Variants in ZNF423 observed in about 807,000 individuals in gnomAD.
The protein encoded by ZNF423 is zinc finger protein 423, also known as Ebf-associated zinc finger protein.
ZNF423 carries 12 observed loss-of-function variants against 95.8 expected under a neutral mutation model. That is an observed-to-expected ratio of 0.13 (90% confidence interval 0.08 to 0.20). ZNF423 has a LOEUF of 0.20. Among genes scored for constraint, ZNF423 ranks in the 10% least tolerant of loss-of-function variants. The probability of loss-of-function intolerance (pLI) is 1.00; values close to 1 mark genes in which losing one functional copy is unlikely to be tolerated. For missense variants in ZNF423, 1,316 were observed against 1,737.1 expected, an observed-to-expected ratio of 0.76 and a Z score of 4.31; for synonymous variants, 749 against 711.9, an observed-to-expected ratio of 1.05 and a Z score of -0.83.
intron 3 of ZNF423, among the ~76,000 whole-genome samples, chr16:49,727,729 C>T (rs772004404): frequency 6.6e-6 from 1 of 152,168 alleles, no homozygotes; most frequent in Non-Finnish European, 1.5e-5. Context: ...CCCCAGGTCA[C>T]GATTCCTGAG....
chr16:49,808,063 T>TC (rs2034693235), intron 1 of ZNF423, among the ~76,000 whole-genome samples: 1 of 152,040 alleles, frequency 6.6e-6, no homozygotes. Context: ...TTTCTTTCTT[T>TC]TTTTTTTTCT....
chr16:49,752,714 C>G (rs1185688626), intron 2 of ZNF423, among the ~76,000 whole-genome samples: 1 of 152,176 alleles, frequency 6.6e-6, no homozygotes, highest in Admixed American at 6.5e-5. Flanking sequence ...GATGCATCCC[C>G]GTGTGACCCT....
intron 3 of ZNF423, among the ~76,000 whole-genome samples, chr16:49,660,986 C>G (rs1324249647): frequency 6.6e-6 from 1 of 152,038 alleles, no homozygotes; most frequent in East Asian, 1.9e-4. Context: ...TTTGGGAGGC[C>G]AAGGAGGGTG....
intron 5 of ZNF423, among the ~76,000 whole-genome samples, chr16:49,611,302 G>T (rs938895025): frequency 1.2e-4 from 18 of 151,974 alleles, no homozygotes; most frequent in African/African-American, 4.3e-4. Context: ...CATACATAGT[G>T]TTTTTTCCTA....
At chr16:49,772,965 C>T (rs904390146) in intron 2 of ZNF423, among the ~76,000 whole-genome samples, 3 of 152,220 alleles carry the variant, frequency 2.0e-5, no homozygotes, top group African/African-American at 7.2e-5. Flanking sequence ...GAAGCAGGCA[C>T]CTTCTTCACA....
At chr16:49,524,226 T>C (rs977354592) in intron 6 of ZNF423, among the ~76,000 whole-genome samples, 3 of 152,200 alleles carry the variant, frequency 2.0e-5, no homozygotes, top group Non-Finnish European at 4.4e-5. Flanking sequence ...GAATGTTAAA[T>C]GGCTTGTCCA....
intron 5 of ZNF423, among the ~76,000 whole-genome samples, chr16:49,588,374 G>T (rs76168968): frequency 6.6e-6 from 1 of 152,176 alleles, no homozygotes; most frequent in African/African-American, 2.4e-5. Context: ...CCTTACATAC[G>T]CTGAGGCTAA....
chr16:49,680,373 A>G lies in ZNF423; in HGVS notation c.302-41499T>C, dbSNP rs147790435. The stretch of plus-strand genomic sequence containing the variant: ...TGTCTGCATACCTCATTCTTCCTGG[A>G]CATGGGACAAGAACTTGGTACGTGC... On this transcript the variant is annotated intron_variant, in intron 3 of 7. Transcript: ENST00000563137. Among the ~76,000 whole-genome samples, 907 of 152,344 alleles carry G rather than the reference A, an allele frequency of 6.0e-3. 11 individuals carry two copies. Among genetic ancestry groups the G allele is most frequent in the African/African-American group, 0.02 (836 of 41,580 alleles).
intron 2 of ZNF423, among the ~76,000 whole-genome samples, chr16:49,773,707 C>T (rs1157890765): frequency 6.6e-6 from 1 of 152,222 alleles, no homozygotes; most frequent in East Asian, 1.9e-4. Context: ...AGCTCTGCCA[C>T]AAACTTGCTG....
At chr16:49,792,002 CAAA>C (rs1227429391) in intron 1 of ZNF423, among the ~76,000 whole-genome samples, 3 of 71,262 alleles carry the variant, frequency 4.2e-5, no homozygotes, top group African/African-American at 9.6e-5. Flanking sequence ...GACTCCATCT[CAAA>C]AAAAAAAAAA....
chr16:49,523,858 CAG>C, intron 6 of ZNF423, 119 bp from the exon 7 acceptor site: 1 of 751,538 alleles, frequency 1.3e-6, no homozygotes, highest in Non-Finnish European at 2.3e-6. Flanking sequence ...GTCAGCCAAA[CAG>C]TGGGCTACTG....
At chr16:49,729,792 C>T (rs1305662528) in intron 3 of ZNF423, among the ~76,000 whole-genome samples, 5 of 152,078 alleles carry the variant, frequency 3.3e-5, no homozygotes, top group African/African-American at 1.2e-4. Flanking sequence ...TCCCCAAACA[C>T]TTAATTTCAA....
intron 5 of ZNF423, among the ~76,000 whole-genome samples, chr16:49,625,362 A>G (rs76181930): frequency 6.6e-6 from 1 of 152,220 alleles, no homozygotes; most frequent in African/African-American, 2.4e-5. Context: ...AAAATAAAAA[A>G]TTAACAAAAA....
intron 1 of ZNF423, among the ~76,000 whole-genome samples, chr16:49,814,825 G>A (rs1247708666): frequency 6.6e-6 from 1 of 150,926 alleles, no homozygotes; most frequent in Admixed American, 6.7e-5. Flanking sequence ...CATGTGAGCA[G>A]GGAGCCAGGA....
intron 2 of ZNF423, among the ~76,000 whole-genome samples, chr16:49,773,998 C>T (rs1056548313): frequency 9.9e-5 from 15 of 152,212 alleles, no homozygotes; most frequent in Admixed American, 3.3e-4. Flanking sequence ...CATGCACGAG[C>T]TCAAGGGCAG....
intron 5 of ZNF423, among the ~76,000 whole-genome samples, chr16:49,572,278 A>T (rs2151788594): frequency 6.6e-6 from 1 of 152,286 alleles, no homozygotes; most frequent in East Asian, 1.9e-4. Context: ...TCCCAGTGGG[A>T]CACAAGGACA....
rs570314636 is a variant in ZNF423, at chr16:49,719,287, C to T, written c.301+11484G>A. On this transcript the variant is annotated intron_variant, in intron 3 of 7. Transcript: ENST00000563137. ...GGAAAGGAAGAGCAGCTCCACGTGA[C>T]GGGCCCTGAGCTGGCTCAGTGACAC... 1.4e-4 allele frequency among the ~76,000 whole-genome samples: 22 copies of T among 152,278 alleles called. No individual in the cohort carries two copies. The South Asian group carries it at 1.7e-3, about 11-fold the overall frequency.
Position 49,636,300 on chromosome 16 carries a change from G to A in ZNF423, c.2876C>T (p.Thr959Met), listed in dbSNP as rs200057861. ...SENGLREHLQ[T>M]HRGPAKHYMC... Reference sequence around the variant, plus strand: ...GTAGTGCTTGGCAGGGCCCCGGTGCGTCTGCAGGTGCTCCCGTAGCCCGTT... The same window carrying A: ...GTAGTGCTTGGCAGGGCCCCGGTGCATCTGCAGGTGCTCCCGTAGCCCGTT... The change falls in exon 4 of 8, where the codon ACG (threonine) becomes ATG (methionine). Residue 959 changes from threonine to methionine, a missense_variant. By Grantham distance (81) the Thr-to-Met change is moderately conservative. Coordinates refer to ENST00000563137, the MANE Select transcript of ZNF423 (RefSeq NM_001379286.1). The surrounding 1 kb of genome is among the most constrained non-coding windows in gnomAD (Gnocchi z 8.6). 1,118 of 1,612,684 alleles carry A rather than the reference G, an allele frequency of 6.9e-4. No individual in the cohort carries two copies. The highest frequency in any genetic ancestry group is 9.0e-4 in the Non-Finnish European group (1,058 of 1,180,030).
At chr16:49,759,729 G>A (rs2033792979) in intron 2 of ZNF423, among the ~76,000 whole-genome samples, 1 of 152,310 alleles carries the variant, frequency 6.6e-6, no homozygotes, top group South Asian at 2.1e-4. Flanking sequence ...TGGAAGTGTT[G>A]TAAGTTTGGA....
Sources: allele counts gnomAD v4.1 joint callset (sites outside exome capture counted in the v4.1 genomes callset), GRCh38; gene constraint gnomAD v4.1.1; non-coding constraint Gnocchi (gnomAD v3.1); transcripts MANE v1.5; gene names NCBI Gene and HGNC (gene_info 2026-07-23, HGNC 2026-07-21).